The following CFAP53 variants were observed in gnomAD, a reference collection of about 807,000 sequenced individuals.
CFAP53 encodes cilia and flagella associated protein 53.
Under a neutral mutation model 59.7 loss-of-function variants are expected in CFAP53, and 62 were observed. That is an observed-to-expected ratio of 1.04 (90% CI 0.85 to 1.28). The LOEUF (loss-of-function observed/expected upper bound fraction) is 1.28. Among genes scored for constraint, CFAP53 ranks in the 50% most tolerant of loss-of-function variants. The pLI is 0.00. For missense variants in CFAP53, 629 were observed against 615.6 expected (o/e 1.02, Z -0.23); for synonymous variants, 218 against 205.7 (o/e 1.06, Z -0.51).
At chr18:50,245,839 A>T (rs2033738620) in intron 5 of CFAP53, among the ~76,000 whole-genome samples, 1 of 152,016 alleles carries the variant, frequency 6.6e-6, no homozygotes, top group African/African-American at 2.4e-5. Flanking sequence ...AAGTTTGAGG[A>T]TTTACATTTT....
chr18:50,237,979 G>T (rs910333089), intron 7 of CFAP53, among the ~76,000 whole-genome samples: 1 of 152,076 alleles, frequency 6.6e-6, no homozygotes, highest in Admixed American at 6.6e-5. Context: ...AAATCTTCTT[G>T]CTATTTTATT....
intron 3 of CFAP53, among the ~76,000 whole-genome samples, chr18:50,252,386 G>A (rs2033809757): frequency 6.6e-6 from 1 of 151,986 alleles, no homozygotes; most frequent in African/African-American, 2.4e-5. Flanking sequence ...TTAGAGGCGT[G>A]AGCCACCGTA....
rs934906561 is a variant in CFAP53, at chr18:50,262,278, A to C, written c.70-59T>G. ...GCCAAAGAATCAACTGCATATTTTCAATTAGTTATGCTCTCAATCAATACT... is the reference window on the plus strand; with the variant it reads ...GCCAAAGAATCAACTGCATATTTTCCATTAGTTATGCTCTCAATCAATACT... On this transcript the variant is annotated intron_variant, in intron 1 of 7. Transcript: ENST00000398545. 53 of 1,403,912 alleles carry C rather than the reference A, an allele frequency of 3.8e-5. No homozygotes were observed. The Middle Eastern group carries it at 7.1e-4, about 19-fold the overall frequency. The allele number at this position is 1,403,912 out of a possible 1,614,324, so 87.0% of individuals were successfully genotyped here. A position where few individuals can be genotyped will look rare whatever the true frequency, so the allele number is the denominator to read the frequency against.
Position 50,264,212 on chromosome 18 carries a change from G to A in CFAP53, c.70-1993C>T, listed in dbSNP as rs2033917714. ...TAGTGGCTACCTATTGGACATCACA[G>A]CTCTAAACCATGCTAAAGTCAGGAA... On this transcript the variant is annotated intron_variant, in intron 1 of 7. Transcript: ENST00000398545. Among the ~76,000 whole-genome samples the A allele has an allele frequency of 2.0e-5, 3 of 152,146 alleles. No homozygotes were observed. In the South Asian group the frequency reaches 6.2e-4, roughly 32 times the overall value.
intron 7 of CFAP53, among the ~76,000 whole-genome samples, chr18:50,227,932 A>T (rs2033541487): frequency 6.8e-6 from 1 of 147,358 alleles, no homozygotes; most frequent in Non-Finnish European, 1.5e-5. Context: ...AGGATAAGCA[A>T]ACTGCTCAAT....
intron 3 of CFAP53, among the ~76,000 whole-genome samples, chr18:50,255,575 A>AC (rs1555672611): frequency 6.3e-5 from 5 of 79,194 alleles, no homozygotes; most frequent in Non-Finnish European, 1.5e-4. Flanking sequence ...AAAATTAAAT[A>AC]CAAAAAAAAA....
intron 3 of CFAP53, among the ~76,000 whole-genome samples, chr18:50,254,064 T>C (rs1230228734): frequency 6.6e-6 from 1 of 151,816 alleles, no homozygotes; most frequent in African/African-American, 2.4e-5. Flanking sequence ...TTTTGCTCTG[T>C]AAAAGATCCT....
intron 7 of CFAP53, among the ~76,000 whole-genome samples, chr18:50,237,250 A>T (rs933026606): frequency 7.2e-6 from 1 of 139,420 alleles, no homozygotes; most frequent in African/African-American, 2.7e-5. Context: ...GATTGCAGTA[A>T]GCCAAGATTA....
In CFAP53 at chr18:50,227,518, G is replaced by A. The variant is rs368749163; in HGVS notation, c.1408C>T (p.Arg470Cys). ...GCTACACCTGCTTCAAACTCTCGGCGTTTCTCTTCCTTCTCTGCTTCTTGG... is the reference window on the plus strand; with the variant it reads ...GCTACACCTGCTTCAAACTCTCGGCATTTCTCTTCCTTCTCTGCTTCTTGG... ...QSQEAEKEEK[R>C]REFEAGVAAN... Residue 470 changes from arginine to cysteine, a missense_variant, in exon 8 of 8, where the codon CGC becomes TGC. Transcript: ENST00000398545. 1.9e-5 allele frequency: 30 copies of A among 1,614,134 alleles called. No homozygotes were observed. In the East Asian group the frequency reaches 2.0e-4, roughly 11 times the overall value.
intron 7 of CFAP53, among the ~76,000 whole-genome samples, chr18:50,231,919 C>T (rs1302713612): frequency 6.6e-6 from 1 of 152,174 alleles, no homozygotes; most frequent in African/African-American, 2.4e-5. Flanking sequence ...TGAGTTTTCC[C>T]TTACCCACCC....
chr18:50,258,220 T>C (rs556908362), intron 3 of CFAP53, among the ~76,000 whole-genome samples: 1 of 152,264 alleles, frequency 6.6e-6, no homozygotes, highest in Non-Finnish European at 1.5e-5. Context: ...AGAGCTATAG[T>C]ACCTCAAACA....
chr18:50,262,271 T>C (rs2033901350), intron 1 of CFAP53, 52 bp from the exon 2 acceptor site: 1 of 1,452,468 alleles, frequency 6.9e-7, no homozygotes, highest in Non-Finnish European at 9.6e-7. Context: ...ATCAACTGCA[T>C]ATTTTCAATT....
intron 7 of CFAP53, among the ~76,000 whole-genome samples, chr18:50,232,000 C>T (rs1283279127): frequency 6.6e-6 from 1 of 152,218 alleles, no homozygotes; most frequent in East Asian, 1.9e-4. Context: ...GGCCATCCAG[C>T]ATAAGGCCCC....
chr18:50,237,329 A>AAAAAATAT (rs1555671378), intron 7 of CFAP53, among the ~76,000 whole-genome samples: 1 of 6,348 alleles, frequency 1.6e-4, no homozygotes, highest in African/African-American at 2.8e-4. Flanking sequence ...AAAAAAAAAA[A>AAAAAATAT]ATATATATAT....
chr18:50,237,345 T>A (rs1372389655), intron 7 of CFAP53, among the ~76,000 whole-genome samples: 1 of 49,130 alleles, frequency 2.0e-5, no homozygotes, highest in African/African-American at 6.2e-5. Context: ...TATATATATA[T>A]ATATATACGC....
Position 50,251,593 on chromosome 18 carries a change from C to G in CFAP53, c.665G>C (p.Arg222Thr). Residue 222 changes from arginine (R) to threonine (T), a missense_variant, in exon 4 of 8, where the codon AGA becomes ACA. Coordinates refer to ENST00000398545, the MANE Select transcript of CFAP53 (RefSeq NM_145020.5). Reference protein sequence around the residue: ...KEKREAQEARRQKELMENTRL... With the variant: ...KEKREAQEARTQKELMENTRL... ...TGTGTTCTCCATCAGCTCTTTCTGT[C>G]TCCTCGCCTCTTGGGCTTCTCGCTT... is the stretch of plus-strand genomic sequence containing the variant. 1 of 1,614,252 alleles carries G rather than the reference C, an allele frequency of 6.2e-7. No individual in the cohort carries two copies. The highest frequency in any genetic ancestry group is 8.5e-7 in the Non-Finnish European group (1 of 1,180,046).
At chr18:50,238,484 T>C in intron 7 of CFAP53, 119 bp downstream of exon 7, 1 of 615,254 alleles carries the variant, frequency 1.6e-6, no homozygotes, top group East Asian at 3.0e-5. Context: ...ACTCCTGGCT[T>C]CAAGCAATCC....
intron 6 of CFAP53, 46 bp downstream of exon 6, chr18:50,242,854 T>C (rs1489933519): frequency 6.7e-7 from 1 of 1,501,426 alleles, no homozygotes; most frequent in Non-Finnish European, 9.2e-7. Context: ...GTTACTTAAA[T>C]TGAATTAAGG....
chr18:50,248,938 T>C (rs1268553818), intron 5 of CFAP53, among the ~76,000 whole-genome samples: 1 of 151,918 alleles, frequency 6.6e-6, no homozygotes, highest in Non-Finnish European at 1.5e-5. Flanking sequence ...ATCTATACCA[T>C]GAACACTACT....
Sources: allele counts gnomAD v4.1 joint callset (sites outside exome capture counted in the v4.1 genomes callset), GRCh38; gene constraint gnomAD v4.1.1; transcripts MANE v1.5; gene names NCBI Gene and HGNC (gene_info 2026-07-23, HGNC 2026-07-21).